SUGCT: variants seen among roughly 807,000 people sequenced by gnomAD.
SUGCT encodes succinyl-CoA:glutarate-CoA transferase.
In SUGCT, 41 loss-of-function variants were observed where a neutral mutation model predicts 55.0. The ratio of observed to expected loss-of-function variants is 0.74; its 90% CI spans 0.58 to 0.97. The LOEUF (loss-of-function observed/expected upper bound fraction) is 0.97. Among genes scored for constraint, SUGCT ranks in the 50% least tolerant of loss-of-function variants. The pLI is 0.00. For synonymous variants in SUGCT, 187 were observed against 200.4 expected (o/e 0.93, Z 0.56); for missense variants, 568 against 547.8 (o/e 1.04, Z -0.37).
At chr7:40,361,217 C>T (rs769993413) in intron 9 of SUGCT, among the ~76,000 whole-genome samples, 152 of 152,108 alleles carry the variant, frequency 1.0e-3, no homozygotes, top group African/African-American at 3.4e-3. Flanking sequence ...TTCAGTTTCC[C>T]AGTCAGCAGT....
chr7:40,229,247 G>A (rs984748717), intron 6 of SUGCT, among the ~76,000 whole-genome samples: 24 of 152,294 alleles, frequency 1.6e-4, no homozygotes, highest in Middle Eastern at 3.4e-3. Context: ...CGCTGGGTGC[G>A]GTGGCTCACG....
intron 3 of SUGCT, among the ~76,000 whole-genome samples, chr7:40,185,188 G>T (rs1228170168): frequency 1.3e-5 from 2 of 151,702 alleles, no homozygotes; most frequent in African/African-American, 2.4e-5. Context: ...CTCAACATTT[G>T]TTTTTTTTCT....
intron 11 of SUGCT, among the ~76,000 whole-genome samples, chr7:40,485,726 C>A (rs1185241945): frequency 6.6e-6 from 1 of 151,986 alleles, no homozygotes; most frequent in African/African-American, 2.4e-5. Context: ...CTCATGTATA[C>A]CTAATTTGTG....
chr7:40,489,165 G>A (rs751470095), intron 11 of SUGCT, among the ~76,000 whole-genome samples: 5 of 147,184 alleles, frequency 3.4e-5, no homozygotes, highest in African/African-American at 1.3e-4. Flanking sequence ...TCCACTGCCC[G>A]TATATTTTCA....
Position 40,224,824 on chromosome 7 carries a change from C to G in SUGCT, c.485-12811C>G, listed in dbSNP as rs1328334217. Among the ~76,000 whole-genome samples, 5 of 152,174 alleles carry G rather than the reference C, an allele frequency of 3.3e-5. No homozygotes were observed. The East Asian group carries it at 9.7e-4, about 29-fold the overall frequency. On this transcript the variant is annotated intron_variant, in intron 6 of 13. Coordinates refer to ENST00000335693, the MANE Select transcript of SUGCT (RefSeq NM_001193313.2). ...TTCATCTGTATGGATGTTGATGTTC[C>G]AAGTAGGGAGGAATTGTGACTCTGC...
intron 6 of SUGCT, among the ~76,000 whole-genome samples, chr7:40,235,467 C>T (rs761099106): frequency 1.2e-4 from 18 of 152,200 alleles, no homozygotes; most frequent in Admixed American, 3.3e-4. Flanking sequence ...AGCTGGACTA[C>T]GGGCATGCAC....
chr7:40,221,328 C>T (rs1031771152), intron 6 of SUGCT, among the ~76,000 whole-genome samples: 3 of 150,024 alleles, frequency 2.0e-5, no homozygotes, highest in East Asian at 2.0e-4. Flanking sequence ...GCACAAGACT[C>T]GCTTGAACCT....
chr7:40,180,493 ATTTT>A (rs113930159), intron 1 of SUGCT, among the ~76,000 whole-genome samples: 2 of 141,136 alleles, frequency 1.4e-5, no homozygotes, highest in African/African-American at 5.2e-5. Flanking sequence ...AGCTTCCAGT[ATTTT>A]TTTTTTTTTC....
chr7:40,140,699 C>T (rs1787936844), intron 1 of SUGCT, among the ~76,000 whole-genome samples: 1 of 151,956 alleles, frequency 6.6e-6, no homozygotes, highest in Non-Finnish European at 1.5e-5. Flanking sequence ...GCACCTGGCC[C>T]TATGTGTCTG....
At chr7:40,962,069 G>T in the SUGCT span, among the ~76,000 whole-genome samples, 1 of 152,078 alleles carries the variant, frequency 6.6e-6, no homozygotes, top group African/African-American at 2.4e-5. Flanking sequence ...CCTACATCCT[G>T]CTGATTGGTC....
downstream of SUGCT, among the ~76,000 whole-genome samples, chr7:40,864,998 T>C (rs746053790): frequency 1.3e-5 from 2 of 151,974 alleles, no homozygotes; most frequent in African/African-American, 2.4e-5. Flanking sequence ...AATTGCTGCC[T>C]CCCCGCTCTT....
chr7:40,449,799 T>C (rs10279411), intron 10 of SUGCT, among the ~76,000 whole-genome samples: 6 of 152,170 alleles, frequency 3.9e-5, no homozygotes, highest in African/African-American at 1.2e-4. Flanking sequence ...TACTGGAAAT[T>C]TTAAAACTTT....
chr7:40,374,780 G>C (rs1179078653), intron 9 of SUGCT, among the ~76,000 whole-genome samples: 3 of 152,102 alleles, frequency 2.0e-5, no homozygotes, highest in Admixed American at 2.0e-4. Flanking sequence ...GTAATCCTGG[G>C]CTGATTGAAT....
chr7:40,365,231 C>G (rs1432361409), intron 9 of SUGCT, among the ~76,000 whole-genome samples: 1 of 152,132 alleles, frequency 6.6e-6, no homozygotes, highest in African/African-American at 2.4e-5. Context: ...GCTAAAAACT[C>G]TCAATAAATT....
At chr7:40,999,171 T>A in the SUGCT span, among the ~76,000 whole-genome samples, 12 of 152,058 alleles carry the variant, frequency 7.9e-5, no homozygotes, top group African/African-American at 2.9e-4. Flanking sequence ...AGGACGTCTG[T>A]AGATTGAGGG....
intron 9 of SUGCT, among the ~76,000 whole-genome samples, chr7:40,377,199 T>TTTCTTTC (rs1161113965): frequency 9.4e-4 from 8 of 8,516 alleles, no homozygotes; most frequent in East Asian, 0.062. Flanking sequence ...TCTTTCTTTC[T>TTTCTTTC]TTTCTTTTCT....
intron 9 of SUGCT, among the ~76,000 whole-genome samples, chr7:40,378,207 C>T (rs957335126): frequency 1.4e-5 from 2 of 146,736 alleles, no homozygotes; most frequent in Non-Finnish European, 3.0e-5. Context: ...CTCTTCTCCT[C>T]CTTCTCTCTT....
At chr7:40,623,951 T>A (rs1357824963) in intron 12 of SUGCT, among the ~76,000 whole-genome samples, 1 of 152,238 alleles carries the variant, frequency 6.6e-6, no homozygotes, top group African/African-American at 2.4e-5. Flanking sequence ...ATCACTTTAT[T>A]TCTGTTAATG....
intron 13 of SUGCT, among the ~76,000 whole-genome samples, chr7:40,831,003 C>T (rs1055778008): frequency 7.2e-5 from 11 of 152,094 alleles, no homozygotes; most frequent in Non-Finnish European, 1.6e-4. Flanking sequence ...TCACAAACAC[C>T]CTGAGAAGTA....
Sources: allele counts gnomAD v4.1 joint callset (sites outside exome capture counted in the v4.1 genomes callset), GRCh38; gene constraint gnomAD v4.1.1; transcripts MANE v1.5; gene names NCBI Gene and HGNC (gene_info 2026-07-23, HGNC 2026-07-21).